Variants in BCL9 observed in about 807,000 individuals in gnomAD.
BCL9 encodes the protein BCL9 transcription coactivator.
In BCL9, 25 loss-of-function variants were observed where a neutral mutation model predicts 88.5. The observed-to-expected ratio is 0.28, with a 90% CI of 0.21 to 0.39. The LOEUF (loss-of-function observed/expected upper bound fraction) is 0.39. Ranked by LOEUF, BCL9 falls within the 10% of genes least tolerant of loss-of-function variation. The pLI is 1.00. For synonymous variants in BCL9, 711 were observed against 673.3 expected (o/e 1.06, Z -0.87); for missense variants, 1,817 against 1,877.8 (o/e 0.97, Z 0.60).
intron 1 of BCL9, among the ~76,000 whole-genome samples, chr1:147,577,331 T>C (rs1204792358): frequency 6.6e-6 from 1 of 152,168 alleles, no homozygotes; most frequent in East Asian, 1.9e-4. Flanking sequence ...TCATTTTGCT[T>C]ATCAAAGACT....
At position 147,620,820 on chromosome 1, in the gene BCL9, C is replaced by T. The variant is rs1028341952; in HGVS notation, c.2665C>T (p.Pro889Ser). The T allele has an allele frequency of 1.2e-6, 2 of 1,614,198 alleles. No homozygotes were observed. The highest frequency in any genetic ancestry group is 1.7e-6 in the Non-Finnish European group (2 of 1,180,046). Residue 889 changes from proline to serine, a missense_variant, in exon 8 of 10, where the codon CCA becomes TCA. Physicochemically the swap from Pro to Ser is moderately conservative, Grantham distance 74. Coordinates refer to ENST00000234739, the MANE Select transcript of BCL9 (RefSeq NM_004326.4). ...GGGGAACCTCAAGTCCCCCCAGACTCCATCGCAGCTGGCAGGCATGCTGGC... is the reference window on the plus strand; with the variant it reads ...GGGGAACCTCAAGTCCCCCCAGACTTCATCGCAGCTGGCAGGCATGCTGGC... ...PSGNLKSPQT[P>S]SQLAGMLAGP...
chr1:147,600,250 C>T (rs1371821031), intron 1 of BCL9: 3 of 161,814 alleles, frequency 1.9e-5, no homozygotes, highest in Admixed American at 1.3e-4. Context: ...CCGCTGGCCC[C>T]GGCCCCGCGG....
chr1:147,625,144 T>A lies in BCL9; in HGVS notation c.*185T>A. 2 of 664,834 alleles carry A rather than the reference T, an allele frequency of 3.0e-6. No homozygotes were observed. The highest frequency in any genetic ancestry group is 3.1e-5 in the South Asian group (1 of 32,108). The allele number at this position is 664,834 out of a possible 1,614,324, so 41.2% of individuals were successfully genotyped here. On this transcript the variant is annotated 3_prime_UTR_variant, in exon 10 of 10. Coordinates refer to ENST00000234739, the MANE Select transcript of BCL9 (RefSeq NM_004326.4). ...TTTACCTGAAAACAAATTATTCATT[T>A]AATCAACAGGTGTGTTTTTTTTAAG...
chr1:147,552,343 C>G (rs1326017070), intron 1 of BCL9, among the ~76,000 whole-genome samples: 4 of 152,180 alleles, frequency 2.6e-5, no homozygotes, highest in African/African-American at 9.7e-5. Flanking sequence ...TGCAGTGGCT[C>G]ACACCTGTAA....
At chr1:147,571,751 G>C (rs781915908) in intron 1 of BCL9, among the ~76,000 whole-genome samples, 1 of 152,134 alleles carries the variant, frequency 6.6e-6, no homozygotes, top group Admixed American at 6.5e-5. Flanking sequence ...CCTGCTGAGG[G>C]TTGCCTCCTG....
At chr1:147,576,460 A>G (rs1656116475) in intron 1 of BCL9, among the ~76,000 whole-genome samples, 1 of 152,260 alleles carries the variant, frequency 6.6e-6, no homozygotes, top group South Asian at 2.1e-4. Flanking sequence ...TTAAGCAAAG[A>G]TAAAAAGTTA....
Position 147,604,891 on chromosome 1 carries a change from G to A in BCL9, c.-363G>A, listed in dbSNP as rs1057379376. 5 of 152,170 alleles carry A rather than the reference G, an allele frequency of 3.3e-5. No individual in the cohort carries two copies. Among genetic ancestry groups the A allele is most frequent in the Non-Finnish European group, 1.5e-5 (1 of 68,036 alleles). The allele number at this position is 152,170 out of a possible 1,614,324, so 9.4% of individuals were successfully genotyped here. A position where few individuals can be genotyped will look rare whatever the true frequency, so the allele number is the denominator to read the frequency against. ...TCCGTGTCCCGATGTAGAAGAAATA[G>A]CAAATTGGACATATTGAAAGGTAAA... is the stretch of plus-strand genomic sequence containing the variant. On this transcript the variant is annotated 5_prime_UTR_variant, in exon 2 of 10. Coordinates refer to ENST00000234739, the MANE Select transcript of BCL9 (RefSeq NM_004326.4).
intron 1 of BCL9, among the ~76,000 whole-genome samples, chr1:147,577,861 T>C (rs1656180733): frequency 6.6e-6 from 1 of 151,832 alleles, no homozygotes; most frequent in Non-Finnish European, 1.5e-5. Flanking sequence ...TGTGTGTGTG[T>C]GTGTGTGTGT....
chr1:147,615,908 T>C lies in BCL9; in HGVS notation c.660+6T>C. The C allele has an allele frequency of 1.2e-6, 2 of 1,607,884 alleles. No individual in the cohort carries two copies. Among genetic ancestry groups the C allele is most frequent in the African/African-American group, 1.3e-5 (1 of 74,936 alleles). ...AGAGAAGCACAGCGCCTCTGGTATG[T>C]TGTTTCAGAAACTGAGTAATGGTTT... On this transcript the variant is annotated splice_donor_region_variant and intron_variant, in intron 7 of 9. Coordinates refer to ENST00000234739, the MANE Select transcript of BCL9 (RefSeq NM_004326.4).
At chr1:147,607,766 C>G (rs1274159614) in intron 3 of BCL9, among the ~76,000 whole-genome samples, 2 of 152,082 alleles carry the variant, frequency 1.3e-5, no homozygotes, top group African/African-American at 2.4e-5. Flanking sequence ...ATATGGAAAA[C>G]TGAAGGAAAA....
At position 147,622,280 on chromosome 1, in the gene BCL9, C is replaced by G. The variant is rs1490457473; in HGVS notation, c.2912C>G (p.Pro971Arg). Residue 971 changes from proline (P) to arginine (R), a missense_variant, in exon 9 of 10, where the codon CCA becomes CGA. Transcript: ENST00000234739. ...TTTTGCTTCCTTTTAGGTGGCCCCC[C>G]ACCTCCTACAGCCAGCCAGCCTGCC... ...MLGNVESGGP[P>R]PPTASQPASV... 12 of 1,614,120 alleles carry G rather than the reference C, an allele frequency of 7.4e-6. No homozygotes were observed. Among genetic ancestry groups the G allele is most frequent in the Non-Finnish European group, 1.0e-5 (12 of 1,179,982 alleles).
At chr1:147,596,530 C>T (rs1390093588) in intron 1 of BCL9, among the ~76,000 whole-genome samples, 1 of 151,632 alleles carries the variant, frequency 6.6e-6, no homozygotes, top group African/African-American at 2.4e-5. Flanking sequence ...TCTCCTGCCT[C>T]AGGCTCCCGG....
Position 147,625,699 on chromosome 1 carries a change from C to G in BCL9, c.*740C>G, listed in dbSNP as rs1351622590. 1 of 232,752 alleles carries G rather than the reference C, an allele frequency of 4.3e-6. No individual in the cohort carries two copies. The highest frequency in any genetic ancestry group is 2.2e-5 in the African/African-American group (1 of 45,256). 14.4% of individuals were successfully genotyped at this position (232,752 alleles called of 1,614,324 possible). On this transcript the variant is annotated 3_prime_UTR_variant, in exon 10 of 10. Coordinates refer to ENST00000234739, the MANE Select transcript of BCL9 (RefSeq NM_004326.4). ...CTCCCAATATACCAACCCACTGGCA[C>G]ATTTTTCTCTTGTTTTCTCTCTCCG...
At chr1:147,547,566 A>G (rs1323972147) in intron 1 of BCL9, among the ~76,000 whole-genome samples, 1 of 152,192 alleles carries the variant, frequency 6.6e-6, no homozygotes, top group Non-Finnish European at 1.5e-5. Flanking sequence ...AATAGTATGT[A>G]AGATATAATT....
intron 1 of BCL9, among the ~76,000 whole-genome samples, chr1:147,566,481 C>G (rs983488975): frequency 6.6e-6 from 1 of 151,820 alleles, no homozygotes; most frequent in Admixed American, 6.6e-5. Context: ...CATGGCCAGG[C>G]GCGGTGGCTC....
Position 147,620,879 on chromosome 1 carries a change from C to T in BCL9, c.2724C>T (p.Pro908=). The T allele has an allele frequency of 6.2e-7, 1 of 1,614,154 alleles. No homozygotes were observed. Among genetic ancestry groups the T allele is most frequent in the Non-Finnish European group, 8.5e-7 (1 of 1,180,014 alleles). Residue 908 remains proline (P), a synonymous_variant, in exon 8 of 10, where the codon CCC becomes CCT. Coordinates refer to ENST00000234739, the MANE Select transcript of BCL9 (RefSeq NM_004326.4). ...GPAAAASIKS[P]PVLGSAAASP... ...CTGCTGCTGCTTCCATTAAGTCCCCCCCTGTTTTGGGGTCTGCTGCTGCTT... is the reference window on the plus strand; with the variant it reads ...CTGCTGCTGCTTCCATTAAGTCCCCTCCTGTTTTGGGGTCTGCTGCTGCTT...
At chr1:147,550,214 G>C (rs1256482607) in intron 1 of BCL9, among the ~76,000 whole-genome samples, 2 of 152,148 alleles carry the variant, frequency 1.3e-5, no homozygotes, top group African/African-American at 4.8e-5. Flanking sequence ...TGTGGTAAAG[G>C]GAGATGGGTA....
At chr1:147,616,738 C>A (rs868992588) in intron 7 of BCL9, among the ~76,000 whole-genome samples, 3 of 150,750 alleles carry the variant, frequency 2.0e-5, no homozygotes, top group African/African-American at 7.3e-5. Context: ...CTGCACTGCA[C>A]TCCAGCCTGG....
intron 1 of BCL9, among the ~76,000 whole-genome samples, chr1:147,590,846 A>G (rs782644054): frequency 4.6e-5 from 7 of 152,350 alleles, no homozygotes; most frequent in African/African-American, 1.7e-4. Flanking sequence ...TATTATGCCC[A>G]TTATTATTAA....
Sources: allele counts gnomAD v4.1 joint callset (sites outside exome capture counted in the v4.1 genomes callset), GRCh38; gene constraint gnomAD v4.1.1; transcripts MANE v1.5; gene names NCBI Gene and HGNC (gene_info 2026-07-23, HGNC 2026-07-21).